The following A2ML1 variants were observed in gnomAD, a reference collection of about 807,000 sequenced individuals.
The protein encoded by A2ML1 is alpha-2-macroglobulin-like protein 1.
Under a neutral mutation model 181.9 loss-of-function variants are expected in A2ML1, and 161 were observed. The ratio of observed to expected loss-of-function variants is 0.89; its 90% confidence interval spans 0.78 to 1.01. The LOEUF (loss-of-function observed/expected upper bound fraction) is 1.01. A2ML1 is among the 50% of genes least tolerant of loss of function. The pLI is 0.00. For synonymous variants in A2ML1, 663 were observed against 666.8 expected, an observed-to-expected ratio of 0.99 and a Z score of 0.09; for missense variants, 1,670 against 1,768.1, an observed-to-expected ratio of 0.94 and a Z score of 1.00.
chr12:8,883,488 T>G (rs953817434), intron 7 of A2ML1, among the ~76,000 whole-genome samples: 1 of 152,188 alleles, frequency 6.6e-6, no homozygotes, highest in African/African-American at 2.4e-5. Context: ...TCTCTCTCTT[T>G]TTTTTTGAGA....
chr12:8,845,765 G>A (rs900236426), intron 13 of A2ML1, among the ~76,000 whole-genome samples: 1 of 151,850 alleles, frequency 6.6e-6, no homozygotes, highest in African/African-American at 2.4e-5. Flanking sequence ...CAGGAGAATG[G>A]CGTGAACCCG....
At chr12:8,854,060 A>G (rs1943977935) in intron 20 of A2ML1, 68 bp from the exon 21 acceptor site, 3 of 1,454,970 alleles carry the variant, frequency 2.1e-6, no homozygotes, top group Non-Finnish European at 2.7e-6. Context: ...ATGCTGATCC[A>G]AATGGGAATG....
chr12:8,874,430 T>A lies in A2ML1; in HGVS notation c.4227T>A (p.Ile1409=). 1 of 1,613,548 alleles carries A rather than the reference T, an allele frequency of 6.2e-7. No individual in the cohort carries two copies. Among genetic ancestry groups the A allele is most frequent in the Non-Finnish European group, 8.5e-7 (1 of 1,179,532 alleles). The change falls in exon 34 of 36, where the codon ATT becomes ATA. Residue 1409 remains isoleucine (I), a synonymous_variant. Transcript: ENST00000299698. ...TTCATCTGTCTTCCCCACAGCTCAT[T>A]AAGAACACTCAGACTTACACCTTCA... The part of the protein sequence containing the change: ...DTLNIYLDEL[I]KNTQTYTFTI...
At chr12:8,868,735 A>AC (rs1944518240) in intron 32 of A2ML1, 108 bp downstream of exon 32, 4 of 813,608 alleles carry the variant, frequency 4.9e-6, no homozygotes, top group Non-Finnish European at 7.9e-6. Context: ...ACACACACAC[A>AC]AGGCATGTAT....
intron 16 of A2ML1, 53 bp downstream of exon 16, chr12:8,848,967 G>A (rs965391229): frequency 1.3e-6 from 2 of 1,552,244 alleles, no homozygotes; most frequent in African/African-American, 1.4e-5. Context: ...GTGGGAATGG[G>A]CAAAGGAAAG....
rs775462993 is a variant in A2ML1 at position 8,835,498 on chromosome 12, A to G, written c.484-9A>G. 7 of 1,613,856 alleles carry G rather than the reference A, an allele frequency of 4.3e-6. No homozygotes were observed. The highest frequency in any genetic ancestry group is 1.6e-4 in the Middle Eastern group (1 of 6,082). On this transcript the variant is annotated splice_polypyrimidine_tract_variant and intron_variant, in intron 5 of 35. Coordinates refer to ENST00000299698, the MANE Select transcript of A2ML1 (RefSeq NM_144670.6). ...GGCAGGCACATCATGCAGTTTCTCT[A>G]TTGGACAGGATCCAAATAGCAACAG...
At chr12:8,884,167 T>G (rs1378489366) in intron 7 of A2ML1, among the ~76,000 whole-genome samples, 1 of 152,170 alleles carries the variant, frequency 6.6e-6, no homozygotes, top group Non-Finnish European at 1.5e-5. Context: ...AAAAAGGATC[T>G]GTTCAAGGCT....
At position 8,858,059 on chromosome 12, in the gene A2ML1, G is replaced by T; in HGVS notation, c.3221G>T (p.Gly1074Val). ...ATGGCAGGAAACCAGCTCCCCAGTGGCTGCTATGCCAACGTGGGAAATCTC... is the reference window on the plus strand; with the variant it reads ...ATGGCAGGAAACCAGCTCCCCAGTGTCTGCTATGCCAACGTGGGAAATCTC... ...KWMAGNQLPSGCYANVGNLLH... is the reference protein window; with the variant it reads ...KWMAGNQLPSVCYANVGNLLH... The change falls in exon 26 of 36, where the codon GGC becomes GTC. Residue 1074 changes from glycine to valine, a missense_variant. Gly to Val is a moderately radical substitution (Grantham distance 109, BLOSUM62 -3). Transcript: ENST00000299698. 1 of 1,614,170 alleles carries T rather than the reference G, an allele frequency of 6.2e-7. No individual in the cohort carries two copies.
At chr12:8,833,826 C>G (rs1213024805) in intron 4 of A2ML1, among the ~76,000 whole-genome samples, 1 of 152,090 alleles carries the variant, frequency 6.6e-6, no homozygotes, top group Admixed American at 6.6e-5. Context: ...ATCCTTAGAT[C>G]TCCTTATTTT....
intron 11 of A2ML1, 139 bp from the exon 12 acceptor site, chr12:8,842,995 C>A (rs999184572): frequency 1.4e-6 from 1 of 734,810 alleles, no homozygotes; most frequent in Non-Finnish European, 2.2e-6. Flanking sequence ...TTGGCTGGAC[C>A]GCTAATGAAA....
At chr12:8,838,195 C>A in intron 8 of A2ML1, 141 bp from the exon 9 acceptor site, 1 of 554,300 alleles carries the variant, frequency 1.8e-6, no homozygotes, top group Non-Finnish European at 3.2e-6. Flanking sequence ...GTGTATACTT[C>A]ATGTTGTAGG....
chr12:8,857,677 C>T lies in A2ML1; in HGVS notation c.3107+89C>T, dbSNP rs113352253. 6.7e-3 allele frequency: 9,440 copies of T among 1,410,266 alleles called. 554 individuals are homozygous for T. In the African/African-American group the frequency reaches 0.12, roughly 17 times the overall value. 87.4% of individuals were successfully genotyped at this position (1,410,266 alleles called of 1,614,324 possible). ...CTATTCCACTACCTCTCCCCTTAAC[C>T]CCTTTCCTTCTTGCACTCAGTCTTC... On this transcript the variant is annotated intron_variant, in intron 25 of 35. Coordinates refer to ENST00000299698, the MANE Select transcript of A2ML1 (RefSeq NM_144670.6).
chr12:8,823,483 T>G, intron 2 of A2ML1, 118 bp downstream of exon 2: 1 of 1,267,640 alleles, frequency 7.9e-7, no homozygotes, highest in Non-Finnish European at 1.1e-6. Context: ...TCTAAACCTA[T>G]TTTTTCTCAA....
At chr12:8,874,348 G>A (rs1431261913) in intron 33 of A2ML1, 77 bp from the exon 34 acceptor site, 1 of 1,161,164 alleles carries the variant, frequency 8.6e-7, no homozygotes, top group Non-Finnish European at 1.3e-6. Flanking sequence ...AGACAGCAAG[G>A]GTCTTTTATT....
Position 8,822,635 on chromosome 12 carries a change from C to A in A2ML1, c.-17C>A, listed in dbSNP as rs1942777462. On this transcript the variant is annotated 5_prime_UTR_variant, in exon 1 of 36. It adds an upstream start codon to the 5' untranslated region. Transcript: ENST00000299698. ...TCTCTGCCCCTGACCCTGGAAAAAT[C>A]TGTCTCACCCACAAAGATGTGGGCT... The A allele has an allele frequency of 1.9e-6, 3 of 1,612,912 alleles. No homozygotes were observed. Among genetic ancestry groups the A allele is most frequent in the African/African-American group, 2.7e-5 (2 of 75,040 alleles).
rs756488006 is a variant in A2ML1, at chr12:8,822,698, T to C, written c.47T>C (p.Ile16Thr). 1 of 1,614,194 alleles carries C rather than the reference T, an allele frequency of 6.2e-7. No homozygotes were observed. Among genetic ancestry groups the C allele is most frequent in the Non-Finnish European group, 8.5e-7 (1 of 1,180,008 alleles). ...GGAATGTTGGCCCTATCACCAGCCATTGCAGAAGAACTTCCGTGAGTGCTT... is the reference window on the plus strand; with the variant it reads ...GGAATGTTGGCCCTATCACCAGCCACTGCAGAAGAACTTCCGTGAGTGCTT... ...LLGMLALSPA[I>T]AEELPNYLVT... Residue 16 changes from isoleucine (I) to threonine (T), a missense_variant, in exon 1 of 36, where the codon ATT becomes ACT. Coordinates refer to ENST00000299698, the MANE Select transcript of A2ML1 (RefSeq NM_144670.6).
chr12:8,841,408 C>T lies in A2ML1; in HGVS notation c.1120C>T (p.His374Tyr), dbSNP rs1462117969. The change falls in exon 11 of 36, where the codon CAT (histidine) becomes TAT (tyrosine). Residue 374 changes from histidine (H) to tyrosine (Y), a missense_variant. Physicochemically the swap from His to Tyr is moderately conservative, Grantham distance 83. Transcript: ENST00000299698. ...CCATGATGACTCCTTCCTCAAGAAC[C>T]ATCTAGTGTTTCTGGTGATTTATGG... The part of the protein sequence containing the change: ...RGHDDSFLKN[H>Y]LVFLVIYGTN... 3 of 1,614,104 alleles carry T rather than the reference C, an allele frequency of 1.9e-6. No individual in the cohort carries two copies. The highest frequency in any genetic ancestry group is 2.5e-6 in the Non-Finnish European group (3 of 1,180,026).
intron 7 of A2ML1, among the ~76,000 whole-genome samples, chr12:8,885,975 C>CCCA (rs1944917504): frequency 6.6e-6 from 1 of 150,734 alleles, no homozygotes; most frequent in South Asian, 2.1e-4. Flanking sequence ...TCTGTTTTGT[C>CCCA]TCATTGTTTA....
intron 3 of A2ML1, among the ~76,000 whole-genome samples, chr12:8,824,732 T>C (rs1452196119): frequency 6.9e-6 from 1 of 145,028 alleles, no homozygotes; most frequent in Non-Finnish European, 1.5e-5. Context: ...TTTTTTTCCT[T>C]TTACCTTATT....
Sources: gnomAD v4.1 joint callset for allele counts (sites outside exome capture counted in the v4.1 genomes callset) on GRCh38, gnomAD v4.1.1 for gene constraint, MANE v1.5 for transcripts, NCBI Gene and HGNC (gene_info 2026-07-23, HGNC 2026-07-21) for gene names.